LIPC: variants seen among roughly 807,000 people sequenced by gnomAD.
LIPC encodes the protein lipase C, hepatic type.
A neutral mutation model predicts 50.7 loss-of-function variants in LIPC; 44 were observed. The ratio of observed to expected loss-of-function variants is 0.87; its 90% CI spans 0.68 to 1.11. LIPC has a LOEUF of 1.11. Among genes scored for constraint, LIPC ranks in the 50% most tolerant of loss-of-function variants. LIPC has a pLI of 0.00. For missense variants in LIPC, 697 were observed against 648.2 expected (o/e 1.08, Z -0.82); for synonymous variants, 271 against 256.4 (o/e 1.06, Z -0.54).
intron 1 of LIPC, among the ~76,000 whole-genome samples, chr15:58,518,441 G>A (rs968375561): frequency 3.9e-5 from 6 of 152,162 alleles, no homozygotes; most frequent in Admixed American, 1.3e-4. Flanking sequence ...AAACTTGGCC[G>A]TGAGAGACAG....
intron 1 of LIPC, among the ~76,000 whole-genome samples, chr15:58,438,164 C>T (rs1893373323): frequency 6.6e-6 from 1 of 152,176 alleles, no homozygotes. Context: ...CTCTCCCTGC[C>T]CTCCTCTCCA....
intron 1 of LIPC, chr15:58,437,045 C>G: frequency 2.8e-6 from 1 of 360,902 alleles, no homozygotes; most frequent in East Asian, 7.3e-5. Context: ...ACTGCTAAGT[C>G]CAACTTCGAA....
chr15:58,472,078 T>TG (rs1347222224), intron 1 of LIPC, among the ~76,000 whole-genome samples: 5 of 152,012 alleles, frequency 3.3e-5, no homozygotes, highest in Non-Finnish European at 5.9e-5. Flanking sequence ...AAGACCAGCC[T>TG]GATCAACATC....
chr15:58,444,873 G>A (rs1893635214), intron 1 of LIPC, among the ~76,000 whole-genome samples: 1 of 152,218 alleles, frequency 6.6e-6, no homozygotes, highest in Non-Finnish European at 1.5e-5. Flanking sequence ...CTTGGCACTG[G>A]GCATACAGTG....
intron 1 of LIPC, among the ~76,000 whole-genome samples, chr15:58,492,327 TTAA>T (rs1393901295): frequency 6.6e-6 from 1 of 152,212 alleles, no homozygotes. Flanking sequence ...CTGTAGTATA[TTAA>T]TATTACTGTC....
intron 1 of LIPC, among the ~76,000 whole-genome samples, chr15:58,462,467 G>C (rs1235232901): frequency 1.3e-5 from 2 of 152,112 alleles, no homozygotes; most frequent in Non-Finnish European, 2.9e-5. Context: ...GGTACCACTG[G>C]TCCACTTTCT....
chr15:58,446,019 G>T (rs746359432), intron 1 of LIPC, among the ~76,000 whole-genome samples: 7 of 152,148 alleles, frequency 4.6e-5, no homozygotes, highest in Non-Finnish European at 1.0e-4. Context: ...ATTCCCTCCA[G>T]ATAGACTCAA....
At chr15:58,532,859 T>C (rs1202416965) in intron 1 of LIPC, among the ~76,000 whole-genome samples, 1 of 152,186 alleles carries the variant, frequency 6.6e-6, no homozygotes, top group Non-Finnish European at 1.5e-5. Context: ...TCAGGAACCC[T>C]CAAACCTAGG....
intron 1 of LIPC, among the ~76,000 whole-genome samples, chr15:58,439,690 C>T (rs1399208583): frequency 6.6e-6 from 1 of 152,248 alleles, no homozygotes; most frequent in Admixed American, 6.5e-5. Context: ...GATCTGCCCG[C>T]CTCAGCCTCC....
chr15:58,533,948 G>GA (rs1201410413), intron 1 of LIPC, among the ~76,000 whole-genome samples: 12 of 151,846 alleles, frequency 7.9e-5, no homozygotes, highest in South Asian at 2.1e-4. Flanking sequence ...ATTTGAAGGG[G>GA]AAAAAAAAGG....
intron 1 of LIPC, among the ~76,000 whole-genome samples, chr15:58,465,319 C>T (rs1894511123): frequency 6.6e-6 from 1 of 152,158 alleles, no homozygotes; most frequent in Admixed American, 6.5e-5. Context: ...ATTGGTACCT[C>T]TTATGAAAGC....
intron 6 of LIPC, among the ~76,000 whole-genome samples, chr15:58,558,821 C>G (rs1894053238): frequency 2.0e-5 from 3 of 152,168 alleles, no homozygotes; most frequent in African/African-American, 7.2e-5. Flanking sequence ...TAGCTCTTAT[C>G]TAAAGCAGAA....
intron 1 of LIPC, among the ~76,000 whole-genome samples, chr15:58,451,690 G>C (rs1893903941): frequency 6.6e-6 from 1 of 152,214 alleles, no homozygotes; most frequent in Admixed American, 6.5e-5. Flanking sequence ...ATCCACATGG[G>C]AGGTTCGCTC....
At chr15:58,469,280 T>C (rs1399627673) in intron 1 of LIPC, among the ~76,000 whole-genome samples, 1 of 152,086 alleles carries the variant, frequency 6.6e-6, no homozygotes, top group African/African-American at 2.4e-5. Flanking sequence ...ATCACAGGCA[T>C]GAACCACCAT....
rs1345436459 is a variant in LIPC, at chr15:58,513,709, G to A, written c.89-24624G>A. Reference sequence around the variant, plus strand: ...AGGATAAGGTGTTGTATGCCACACTGCCTCAAAGCAACTCCCTCAGTTCAC... The same window carrying A: ...AGGATAAGGTGTTGTATGCCACACTACCTCAAAGCAACTCCCTCAGTTCAC... On this transcript the variant is annotated intron_variant, in intron 1 of 8. Coordinates refer to ENST00000299022, the MANE Select transcript of LIPC (RefSeq NM_000236.3). Among the ~76,000 whole-genome samples, 4 of 152,300 alleles carry A rather than the reference G, an allele frequency of 2.6e-5. No homozygotes were observed. The East Asian group carries it at 7.7e-4, about 29-fold the overall frequency.
intron 1 of LIPC, among the ~76,000 whole-genome samples, chr15:58,536,146 A>G (rs1893111695): frequency 6.6e-6 from 1 of 152,230 alleles, no homozygotes; most frequent in African/African-American, 2.4e-5. Flanking sequence ...AGGAGTAATT[A>G]TCTCTGACTA....
chr15:58,541,667 A>C (rs1566944338), intron 2 of LIPC, 118 bp from the exon 3 acceptor site: 2 of 1,030,322 alleles, frequency 1.9e-6, no homozygotes, highest in African/African-American at 1.6e-5. Flanking sequence ...TCAACTGTGC[A>C]TGGCTGAGAA....
chr15:58,542,681 T>C, intron 4 of LIPC, 30 bp downstream of exon 4: 1 of 1,431,138 alleles, frequency 7.0e-7, no homozygotes, highest in Non-Finnish European at 9.9e-7. Flanking sequence ...CACACACTGA[T>C]CTCCACTCCA....
intron 2 of LIPC, among the ~76,000 whole-genome samples, chr15:58,541,080 C>A (rs1893301543): frequency 1.3e-5 from 2 of 152,156 alleles, no homozygotes. Flanking sequence ...GGAGTACAAG[C>A]ATGAGCCACC....
Sources: allele counts gnomAD v4.1 joint callset (sites outside exome capture counted in the v4.1 genomes callset), GRCh38; gene constraint gnomAD v4.1.1; transcripts MANE v1.5; gene names NCBI Gene and HGNC (gene_info 2026-07-23, HGNC 2026-07-21).